The following NCOA7 variants were observed in gnomAD, a reference collection of about 807,000 sequenced individuals.
NCOA7 encodes the protein 140 kDa estrogen receptor-associated protein.
Under a neutral mutation model 104.3 loss-of-function variants are expected in NCOA7, and 45 were observed. The ratio of observed to expected loss-of-function variants is 0.43; its 90% confidence interval spans 0.34 to 0.55. The LOEUF is 0.55. Among genes scored for constraint, NCOA7 ranks in the 20% least tolerant of loss-of-function variants. The pLI is 0.02. For synonymous variants in NCOA7, 398 were observed against 402.3 expected (o/e 0.99, Z 0.13); for missense variants, 1,041 against 1,119.7 (o/e 0.93, Z 1.00).
intron 13 of NCOA7, among the ~76,000 whole-genome samples, chr6:125,924,516 A>G (rs1434905943): frequency 6.6e-6 from 1 of 152,236 alleles, no homozygotes; most frequent in African/African-American, 2.4e-5. Flanking sequence ...AATGTGTCTG[A>G]AAATGAATTA....
chr6:125,895,128 C>G (rs1000590269), intron 10 of NCOA7, among the ~76,000 whole-genome samples: 4 of 152,054 alleles, frequency 2.6e-5, no homozygotes, highest in African/African-American at 9.7e-5. Context: ...TAAAGTAAAA[C>G]TTTTCTCTTT....
At chr6:125,874,440 G>A (rs1285164468) in intron 3 of NCOA7, among the ~76,000 whole-genome samples, 2 of 152,172 alleles carry the variant, frequency 1.3e-5, no homozygotes, top group Non-Finnish European at 2.9e-5. Context: ...TTGATATATA[G>A]CCTTTTTCTT....
chr6:125,806,428 CAG>C (rs1384513906), intron 1 of NCOA7, among the ~76,000 whole-genome samples: 1 of 152,136 alleles, frequency 6.6e-6, no homozygotes, highest in Admixed American at 6.5e-5. Flanking sequence ...ATATGGAAAA[CAG>C]AACTTCTCAG....
At position 125,879,740 on chromosome 6, in the gene NCOA7, G is replaced by A. The variant is rs75801442; in HGVS notation, c.460-1350G>A. On this transcript the variant is annotated intron_variant, in intron 5 of 15. Coordinates refer to ENST00000392477, the MANE Select transcript of NCOA7 (RefSeq NM_181782.5). Reference sequence around the variant, plus strand: ...TGGCCGGGCACAGTGGCTCATCCTTGTAATTCCAGCACTTTGGAGGCCAAG... The same window carrying A: ...TGGCCGGGCACAGTGGCTCATCCTTATAATTCCAGCACTTTGGAGGCCAAG... Among the ~76,000 whole-genome samples, 1,433 of 152,256 alleles carry A rather than the reference G, an allele frequency of 9.4e-3. 12 individuals are homozygous for A. Among genetic ancestry groups the A allele is most frequent in the Middle Eastern group, 0.02 (6 of 294 alleles).
At chr6:125,803,731 A>G (rs1776139406) in intron 1 of NCOA7, among the ~76,000 whole-genome samples, 1 of 152,220 alleles carries the variant, frequency 6.6e-6, no homozygotes, top group African/African-American at 2.4e-5. Context: ...CTCACTGATA[A>G]CATCTCAGAA....
chr6:125,802,764 A>G (rs1294546094), intron 1 of NCOA7, among the ~76,000 whole-genome samples: 1 of 152,242 alleles, frequency 6.6e-6, no homozygotes, highest in Non-Finnish European at 1.5e-5. Context: ...AAGCAACTCA[A>G]TAAACCTTAA....
chr6:125,874,100 G>A (rs1465031595), intron 3 of NCOA7, among the ~76,000 whole-genome samples: 9 of 152,278 alleles, frequency 5.9e-5, no homozygotes, highest in Admixed American at 3.9e-4. Flanking sequence ...TGAGGCGGGC[G>A]GATCACCTGA....
chr6:125,857,416 T>C (rs1319374498), intron 3 of NCOA7, among the ~76,000 whole-genome samples: 4 of 146,250 alleles, frequency 2.7e-5, no homozygotes, highest in Admixed American at 6.7e-5. Context: ...TATATACACA[T>C]ACACACACAC....
chr6:125,908,313 A>G (rs552009511), intron 10 of NCOA7, among the ~76,000 whole-genome samples: 2 of 152,294 alleles, frequency 1.3e-5, no homozygotes, highest in Admixed American at 6.5e-5. Flanking sequence ...ACATGCAGCC[A>G]TTTCCTTCCA....
At chr6:125,884,626 T>C (rs1169436590) in intron 7 of NCOA7, among the ~76,000 whole-genome samples, 1 of 152,328 alleles carries the variant, frequency 6.6e-6, no homozygotes, top group African/African-American at 2.4e-5. Flanking sequence ...CATGTTCCTA[T>C]TTACTTTGAC....
At chr6:125,928,576 A>G (rs1788243650) in intron 15 of NCOA7, 60 bp from the exon 16 acceptor site, 1 of 1,546,182 alleles carries the variant, frequency 6.5e-7, no homozygotes, top group Non-Finnish European at 8.7e-7. Context: ...GCAAGAGAGA[A>G]TAGTGTGTCA....
At chr6:125,884,039 C>G (rs1212921442) in intron 7 of NCOA7, among the ~76,000 whole-genome samples, 1 of 152,144 alleles carries the variant, frequency 6.6e-6, no homozygotes, top group Admixed American at 6.6e-5. Flanking sequence ...TCTTAGTCAT[C>G]ACCATTCTAC....
At chr6:125,796,771 C>T (rs1775377971) in intron 1 of NCOA7, 1 of 151,972 alleles carries the variant, frequency 6.6e-6, no homozygotes, top group Admixed American at 6.6e-5. Context: ...TCTCCTGCCT[C>T]AGCCTCCAGA....
Position 125,885,245 on chromosome 6 carries a change from G to T in NCOA7, c.786G>T (p.Gly262=). ...CTGATCCTCTGGTTATTGAAAATGG[G>T]TGTGAGGAGTATGGTCTCATCTGCC... ...HKSDPLVIEN[G]CEEYGLICPM... is the part of the protein sequence containing the mutation. The change falls in exon 8 of 16, where the codon GGG becomes GGT. Residue 262 remains glycine, a synonymous_variant. Coordinates refer to ENST00000392477, the MANE Select transcript of NCOA7 (RefSeq NM_181782.5). 1.2e-6 allele frequency: 2 copies of T among 1,614,040 alleles called. No homozygotes were observed. The highest frequency in any genetic ancestry group is 8.5e-7 in the Non-Finnish European group (1 of 1,179,946).
chr6:125,815,403 C>T lies in NCOA7; in HGVS notation c.49C>T (p.Arg17Ter), dbSNP rs543860043. 8.7e-6 allele frequency: 14 copies of T among 1,607,186 alleles called. No homozygotes were observed. Among genetic ancestry groups the T allele is most frequent in the South Asian group, 3.4e-5 (3 of 89,312 alleles). The change falls in exon 2 of 16, where the codon CGA (arginine) becomes TGA (stop). Residue 17 changes from arginine to a stop codon, truncating the protein, a stop_gained and splice_region_variant. Coordinates refer to ENST00000392477, the MANE Select transcript of NCOA7 (RefSeq NM_181782.5). LOFTEE classifies it high-confidence loss of function. ...GGAACGGAAACAAAGTTATTTTGCTCGGTAAGCATTCATTTTACAAAATTG... is the reference window on the plus strand; with the variant it reads ...GGAACGGAAACAAAGTTATTTTGCTTGGTAAGCATTCATTTTACAAAATTG... ...KKERKQSYFA[R>*]LKKKKQAKQN...
intron 1 of NCOA7, among the ~76,000 whole-genome samples, chr6:125,804,056 A>G (rs932255962): frequency 6.6e-5 from 10 of 152,128 alleles, no homozygotes; most frequent in African/African-American, 1.7e-4. Context: ...ACAGTGATTC[A>G]CATTGGCACA....
intron 13 of NCOA7, among the ~76,000 whole-genome samples, chr6:125,924,572 A>G (rs1171516232): frequency 2.0e-5 from 3 of 152,258 alleles, no homozygotes; most frequent in African/African-American, 4.8e-5. Context: ...ACTGGCAGCA[A>G]TGAGGAGCTC....
chr6:125,906,846 A>G (rs1786055378), intron 10 of NCOA7, among the ~76,000 whole-genome samples: 1 of 152,202 alleles, frequency 6.6e-6, no homozygotes, highest in African/African-American at 2.4e-5. Flanking sequence ...GTGAATGAAA[A>G]GAACATTCCA....
intron 14 of NCOA7, 94 bp from the exon 15 acceptor site, chr6:125,928,080 G>A: frequency 8.5e-7 from 1 of 1,180,522 alleles, no homozygotes. Context: ...GGGTGAGGTG[G>A]TTCCCTTTTA....
Sources: gnomAD v4.1 joint callset for allele counts (sites outside exome capture counted in the v4.1 genomes callset) on GRCh38, gnomAD v4.1.1 for gene constraint, MANE v1.5 for transcripts, NCBI Gene and HGNC (gene_info 2026-07-23, HGNC 2026-07-21) for gene names.